Variants in TASP1 observed in about 807,000 individuals in gnomAD.
TASP1 encodes the protein threonine aspartase 1.
A neutral mutation model predicts 56.6 loss-of-function variants in TASP1; 16 were observed. The observed-to-expected ratio is 0.28, with a 90% confidence interval of 0.19 to 0.43. The LOEUF (loss-of-function observed/expected upper bound fraction) is 0.43. Ranked by LOEUF, TASP1 falls within the 20% of genes least tolerant of loss-of-function variation. The pLI, the probability that TASP1 is intolerant of heterozygous loss-of-function variation, is 1.00. For synonymous variants in TASP1, 179 were observed against 184.2 expected, an observed-to-expected ratio of 0.97 and a Z score of 0.23; for missense variants, 393 against 511.6, an observed-to-expected ratio of 0.77 and a Z score of 2.24.
At chr20:13,108,582 T>G in the TASP1 span, among the ~76,000 whole-genome samples, 8 of 152,214 alleles carry the variant, frequency 5.3e-5, no homozygotes, top group African/African-American at 1.9e-4. Flanking sequence ...TTTATCTTTT[T>G]TTTTCACTTT....
chr20:13,393,083 T>C (rs1001535188), intron 13 of TASP1: 7 of 613,322 alleles, frequency 1.1e-5, no homozygotes, highest in African/African-American at 9.1e-5. Flanking sequence ...GCATGAACCA[T>C]GAGAAGTATG....
At position 13,531,913 on chromosome 20, in the gene TASP1, A is replaced by C. The variant is rs182350768; in HGVS notation, c.795+2109T>G. Among the ~76,000 whole-genome samples, 27 of 152,112 alleles carry C rather than the reference A, an allele frequency of 1.8e-4. No homozygotes were observed. In the East Asian group the frequency reaches 4.1e-3, roughly 23 times the overall value. ...TCCTGACTTCAACTGATCTACCTGC[A>C]TTGGCCTCCCAAAGTGCTGGGAATT... On this transcript the variant is annotated intron_variant, in intron 9 of 13. Coordinates refer to ENST00000337743, the MANE Select transcript of TASP1 (RefSeq NM_017714.3).
At position 13,565,475 on chromosome 20, in the gene TASP1, T is replaced by C. The variant is rs77284799; in HGVS notation, c.568+4032A>G. ...CGGATAAGTGTTAACATCCAGAACA[T>C]ATGAAGAATTCCTATATCTCAACAA... On this transcript the variant is annotated intron_variant, in intron 7 of 13. Transcript: ENST00000337743. Among the ~76,000 whole-genome samples the C allele has an allele frequency of 8.1e-3, 1,239 of 152,162 alleles. 19 individuals carry two copies. The highest frequency in any genetic ancestry group is 0.028 in the African/African-American group (1,168 of 41,504).
chr20:13,483,390 C>T (rs889259673), intron 10 of TASP1, 53 bp from the exon 11 acceptor site: 3 of 1,275,688 alleles, frequency 2.4e-6, no homozygotes, highest in African/African-American at 3.0e-5. Flanking sequence ...GAACACCCTG[C>T]TTATTTCAAT....
chr20:13,115,924 C>T, the TASP1 span, among the ~76,000 whole-genome samples: 1 of 152,268 alleles, frequency 6.6e-6, no homozygotes, highest in African/African-American at 2.4e-5. Context: ...AGTTAGTAAG[C>T]TTAGGCAGCC....
chr20:13,508,671 G>A (rs1380347517), intron 10 of TASP1, among the ~76,000 whole-genome samples: 1 of 151,988 alleles, frequency 6.6e-6, no homozygotes, highest in Non-Finnish European at 1.5e-5. Context: ...TTTTTATAAT[G>A]GACAAAGGAC....
chr20:13,296,350 G>A, the TASP1 span, among the ~76,000 whole-genome samples: 1 of 152,150 alleles, frequency 6.6e-6, no homozygotes. Flanking sequence ...AATGGGAGCT[G>A]GTGGATAAAA....
chr20:13,295,000 C>T, the TASP1 span, among the ~76,000 whole-genome samples: 1 of 152,126 alleles, frequency 6.6e-6, no homozygotes, highest in African/African-American at 2.4e-5. Context: ...AAGACATGCC[C>T]AATTTTTCTC....
intron 4 of TASP1, among the ~76,000 whole-genome samples, chr20:13,609,400 C>A (rs1295806141): frequency 3.3e-5 from 5 of 152,102 alleles, no homozygotes; most frequent in Non-Finnish European, 7.4e-5. Flanking sequence ...AAGTTAAACA[C>A]AGGCCAAGCG....
the TASP1 span, among the ~76,000 whole-genome samples, chr20:13,135,853 C>T: frequency 1.3e-5 from 2 of 152,178 alleles, no homozygotes; most frequent in Admixed American, 1.3e-4. Context: ...TCAGCTATTA[C>T]CTCAGTGCCA....
the TASP1 span, among the ~76,000 whole-genome samples, chr20:13,202,314 T>C: frequency 6.6e-6 from 1 of 152,204 alleles, no homozygotes; most frequent in Non-Finnish European, 1.5e-5. Context: ...ATACAGTGCA[T>C]CCACCACACA....
chr20:13,548,819 C>T (rs952131292), intron 8 of TASP1, among the ~76,000 whole-genome samples: 3 of 152,116 alleles, frequency 2.0e-5, no homozygotes, highest in Admixed American at 2.0e-4. Context: ...TTAGGAAGAA[C>T]AAGCAATGAT....
chr20:13,249,923 C>A, the TASP1 span, among the ~76,000 whole-genome samples: 2 of 152,104 alleles, frequency 1.3e-5, no homozygotes, highest in Non-Finnish European at 2.9e-5. Context: ...TTGCTGGGGC[C>A]TTCCAGAAAA....
the TASP1 span, among the ~76,000 whole-genome samples, chr20:13,136,604 C>CATATAT: frequency 4.6e-3 from 626 of 136,050 alleles, 2 homozygotes; most frequent in Non-Finnish European, 6.5e-3. Flanking sequence ...CATCTAAAAA[C>CATATAT]ATATATATAT....
At chr20:13,435,180 T>C in intron 11 of TASP1, 26 bp from the exon 12 acceptor site, 1 of 1,486,304 alleles carries the variant, frequency 6.7e-7, no homozygotes, top group South Asian at 1.3e-5. Context: ...TAGTAGTTAT[T>C]TTTCAGTGAA....
chr20:13,438,778 G>T (rs912684092), intron 11 of TASP1, among the ~76,000 whole-genome samples: 2 of 152,064 alleles, frequency 1.3e-5, no homozygotes, highest in African/African-American at 4.8e-5. Flanking sequence ...CGAATATCCA[G>T]AATCTACAAT....
At chr20:13,234,307 T>C in the TASP1 span, among the ~76,000 whole-genome samples, 1 of 152,262 alleles carries the variant, frequency 6.6e-6, no homozygotes, top group African/African-American at 2.4e-5. Context: ...TTCTTTTTTA[T>C]GTCTAAGTAG....
the TASP1 span, chr20:13,110,173 C>T: frequency 3.6e-5 from 58 of 1,613,602 alleles, 1 homozygote; most frequent in East Asian, 1.1e-3. Context: ...CTCGAACCCG[C>T]AGAGCTTGGA....
chr20:13,171,143 T>A, the TASP1 span, among the ~76,000 whole-genome samples: 13 of 152,346 alleles, frequency 8.5e-5, no homozygotes, highest in South Asian at 2.5e-3. Flanking sequence ...CAATACATGA[T>A]TTCCCCTTAA....
Sources: allele counts gnomAD v4.1 joint callset (sites outside exome capture counted in the v4.1 genomes callset), GRCh38; gene constraint gnomAD v4.1.1; transcripts MANE v1.5; gene names NCBI Gene and HGNC (gene_info 2026-07-23, HGNC 2026-07-21).